The following F8 variants were observed in gnomAD, a reference collection of about 807,000 sequenced individuals.
F8 encodes the protein coagulation factor VIII, also known as antihemophilic factor.
A neutral mutation model predicts 140.6 loss-of-function variants in F8; 12 were observed. The observed-to-expected ratio is 0.09, with a 90% CI of 0.05 to 0.14. The LOEUF is 0.14. Ranked by LOEUF, F8 falls within the 10% of genes least tolerant of loss-of-function variation. The probability of loss-of-function intolerance (pLI) is 1.00; values close to 1 mark genes in which losing one functional copy is unlikely to be tolerated. For missense variants in F8, 1,354 were observed against 1,720.7 expected (o/e 0.79, Z 3.77); for synonymous variants, 585 against 614.6 (o/e 0.95, Z 0.71).
intron 14 of F8, among the ~76,000 whole-genome samples, chrX:154,923,550 T>C (rs2073143278): frequency 9.0e-6 from 1 of 111,375 alleles, no homozygotes; most frequent in Admixed American, 9.5e-5. Flanking sequence ...AAAAGAAGAG[T>C]TTTTGGCTGG....
intron 14 of F8, among the ~76,000 whole-genome samples, chrX:154,925,838 G>A (rs1325708199): frequency 1.8e-5 from 2 of 112,313 alleles, no homozygotes; most frequent in African/African-American, 6.5e-5. Context: ...TTGAGTTAAT[G>A]CTGAAATGTG....
chrX:154,907,882 G>A (rs1232324657), intron 14 of F8, among the ~76,000 whole-genome samples: 1 of 110,774 alleles, frequency 9.0e-6, no homozygotes, highest in Non-Finnish European at 1.9e-5. Context: ...GTTATGTATT[G>A]CAAACATTTA....
At chrX:154,967,208 T>C (rs2073430320) in intron 7 of F8, among the ~76,000 whole-genome samples, 1 of 111,689 alleles carries the variant, frequency 9.0e-6, no homozygotes, top group Non-Finnish European at 1.9e-5. Context: ...ATTGATTTAA[T>C]AACAGCTTAT....
At chrX:154,837,871 G>A in intron 25 of F8, 119 bp from the exon 26 acceptor site, 1 of 702,804 alleles carries the variant, frequency 1.4e-6, no homozygotes, top group Non-Finnish European at 2.2e-6. Flanking sequence ...CCTGGAAGAT[G>A]ACTAGATGAC....
At chrX:154,956,883 A>G in intron 11 of F8, 74 bp downstream of exon 11, 1 of 891,344 alleles carries the variant, frequency 1.1e-6, no homozygotes, top group Non-Finnish European at 1.7e-6. Context: ...ATTGCAAACC[A>G]TTATATTTTC....
chrX:155,020,198 G>T (rs1470162168), intron 1 of F8, among the ~76,000 whole-genome samples: 8 of 111,900 alleles, frequency 7.1e-5, no homozygotes, highest in African/African-American at 2.6e-4. Context: ...TAGTAGATTA[G>T]TGAAACAGCC....
intron 14 of F8, among the ~76,000 whole-genome samples, chrX:154,918,449 G>C (rs781821851): frequency 9.0e-6 from 1 of 110,942 alleles, no homozygotes; most frequent in South Asian, 3.8e-4. Context: ...AGGCAGGAAT[G>C]ATTTTTCTGC....
At chrX:154,851,700 A>T (rs2072616753) in intron 25 of F8, among the ~76,000 whole-genome samples, 1 of 111,404 alleles carries the variant, frequency 9.0e-6, no homozygotes, top group African/African-American at 3.3e-5. Context: ...GGATCCTTGT[A>T]TATCTTCTTT....
intron 14 of F8, among the ~76,000 whole-genome samples, chrX:154,927,308 T>C (rs141399790): frequency 3.6e-4 from 40 of 111,503 alleles, no homozygotes; most frequent in African/African-American, 1.2e-3. Context: ...AATAGCATGA[T>C]TGATGTTGAT....
At chrX:154,944,125 T>C (rs1301732176) in intron 13 of F8, among the ~76,000 whole-genome samples, 1 of 111,438 alleles carries the variant, frequency 9.0e-6, no homozygotes, top group Non-Finnish European at 1.9e-5. Flanking sequence ...ACTTCATGTC[T>C]AAAACACCAA....
chrX:154,919,733 G>T, intron 14 of F8: 1 of 337,886 alleles, frequency 3.0e-6, no homozygotes, highest in Non-Finnish European at 5.2e-6. Flanking sequence ...TATTACTGAA[G>T]CACTCGGCCC....
At chrX:154,897,814 A>G (rs990205487) in intron 21 of F8, 3 of 112,627 alleles carry the variant, frequency 2.7e-5, no homozygotes, top group Non-Finnish European at 5.6e-5. Context: ...CCAGGCTACA[A>G]TAAAGCCTTG....
intron 6 of F8, among the ~76,000 whole-genome samples, chrX:154,979,984 C>T (rs1226211828): frequency 9.0e-6 from 1 of 111,616 alleles, no homozygotes; most frequent in Admixed American, 9.4e-5. Flanking sequence ...CTAAGGGTCT[C>T]TTACCTTTTC....
chrX:154,912,588 G>C (rs1447427835), intron 14 of F8, among the ~76,000 whole-genome samples: 1 of 112,129 alleles, frequency 8.9e-6, no homozygotes, highest in Non-Finnish European at 1.9e-5. Flanking sequence ...GTACCATGCT[G>C]TTTTGGTTAC....
At chrX:154,846,767 C>A (rs182936077) in intron 25 of F8, among the ~76,000 whole-genome samples, 63 of 111,736 alleles carry the variant, frequency 5.6e-4, no homozygotes, top group African/African-American at 2.0e-3. Context: ...TTAATTGGAG[C>A]AGTTAGCCCA....
chrX:154,929,303 T>C lies in F8; in HGVS notation c.4487A>G (p.Asn1496Ser). The C allele has an allele frequency of 1.7e-6, 2 of 1,212,069 alleles. No homozygotes were observed. The highest frequency in any genetic ancestry group is 2.2e-6 in the Non-Finnish European group (2 of 895,586). Residue 1496 changes from asparagine to serine, a missense_variant, in exon 14 of 26, where the codon AAC becomes AGC. This residue lies in a region of F8 where 658 missense variants were observed against 666.5 expected (regional missense o/e 0.99). Transcript: ENST00000360256. ...TNSVTYKKVE[N>S]TVLPKPDLPK... ...CAAGTCTGGTTTCGGGAGAACAGTG[T>C]TCTCAACTTTCTTGTATGTGACTGA...
chrX:154,900,103 A>G (rs2073002222), intron 20 of F8, 152 bp from the exon 21 acceptor site: 1 of 453,226 alleles, frequency 2.2e-6, no homozygotes, highest in Non-Finnish European at 3.7e-6. Context: ...ATCAATTACT[A>G]TCTAAGGATA....
chrX:154,874,698 G>T (rs2072798967), intron 22 of F8, among the ~76,000 whole-genome samples: 1 of 112,091 alleles, frequency 8.9e-6, no homozygotes, highest in Non-Finnish European at 1.9e-5. Context: ...AAAGACAAAA[G>T]ATGACAAATG....
At chrX:155,008,262 G>A (rs2073686619) in intron 1 of F8, among the ~76,000 whole-genome samples, 1 of 111,891 alleles carries the variant, frequency 8.9e-6, no homozygotes, top group Non-Finnish European at 1.9e-5. Flanking sequence ...GAATCAAAGA[G>A]TGGCAGCAAA....
Sources: gnomAD v4.1 joint callset for allele counts (sites outside exome capture counted in the v4.1 genomes callset) on GRCh38, gnomAD v4.1.1 for gene constraint, gnomAD v4.1.1 regional missense constraint, MANE v1.5 for transcripts, NCBI Gene and HGNC (gene_info 2026-07-23, HGNC 2026-07-21) for gene names.